Variants in GPCPD1 observed in about 807,000 individuals in gnomAD.
The protein encoded by GPCPD1 is glycerophosphocholine phosphodiesterase GPCPD1.
Under a neutral mutation model 89.2 loss-of-function variants are expected in GPCPD1, and 29 were observed. That is an observed-to-expected ratio of 0.33 (90% confidence interval 0.24 to 0.44). GPCPD1 has a LOEUF of 0.44. GPCPD1 is among the 20% of genes least tolerant of loss of function. The pLI is 1.00. For missense variants in GPCPD1, 594 were observed against 808.9 expected, an observed-to-expected ratio of 0.73 and a Z score of 3.22; for synonymous variants, 258 against 266.3, an observed-to-expected ratio of 0.97 and a Z score of 0.30.
At chr20:5,598,957 T>G (rs1235800333) in intron 2 of GPCPD1, 136 bp from the exon 3 acceptor site, 3 of 647,844 alleles carry the variant, frequency 4.6e-6, no homozygotes, top group Non-Finnish European at 8.3e-6. Context: ...AGATATAGGT[T>G]TGGGCCCAGG....
chr20:5,562,603 A>T (rs1036687982), intron 15 of GPCPD1, among the ~76,000 whole-genome samples: 1 of 152,156 alleles, frequency 6.6e-6, no homozygotes, highest in Non-Finnish European at 1.5e-5. Flanking sequence ...ATACTTCAAA[A>T]TTTTAGGTAT....
At chr20:5,557,463 C>T (rs1027909098) in intron 19 of GPCPD1, among the ~76,000 whole-genome samples, 1 of 152,140 alleles carries the variant, frequency 6.6e-6, no homozygotes, top group South Asian at 2.1e-4. Flanking sequence ...AGATAAAGAA[C>T]AGAGTCATGG....
intron 5 of GPCPD1, chr20:5,584,612 C>T (rs1978783715): frequency 5.1e-6 from 1 of 196,322 alleles, no homozygotes. Flanking sequence ...TTAACTTCTA[C>T]ACTAACCAAT....
chr20:5,548,998 A>G (rs1985206991), intron 19 of GPCPD1: 1 of 787,970 alleles, frequency 1.3e-6, no homozygotes, highest in Admixed American at 2.2e-5. Flanking sequence ...GCAAAACTTG[A>G]CAAGCAAACC....
chr20:5,604,217 G>C, intron 2 of GPCPD1, 147 bp downstream of exon 2: 1 of 587,780 alleles, frequency 1.7e-6, no homozygotes, highest in Non-Finnish European at 3.1e-6. Flanking sequence ...TATGCTCCAA[G>C]CACATTTCTG....
intron 16 of GPCPD1, 120 bp from the exon 17 acceptor site, chr20:5,560,196 T>C: frequency 3.6e-6 from 2 of 551,450 alleles, no homozygotes; most frequent in Non-Finnish European, 6.3e-6. Flanking sequence ...GTCCAACTAC[T>C]ATTTTATAGA....
chr20:5,574,367 C>G (rs1568657973), intron 10 of GPCPD1, among the ~76,000 whole-genome samples: 1 of 152,168 alleles, frequency 6.6e-6, no homozygotes, highest in Non-Finnish European at 1.5e-5. Flanking sequence ...TGAGAAACAA[C>G]TGACACACAC....
intron 6 of GPCPD1, 143 bp downstream of exon 6, chr20:5,584,138 C>G (rs1017732658): frequency 2.0e-6 from 1 of 497,754 alleles, no homozygotes; most frequent in Non-Finnish European, 3.7e-6. Flanking sequence ...TGCTGCTGCA[C>G]GTGTGGCCTG....
intron 1 of GPCPD1, among the ~76,000 whole-genome samples, chr20:5,609,850 A>AG: frequency 6.9e-6 from 1 of 145,024 alleles, no homozygotes; most frequent in East Asian, 1.9e-4. Flanking sequence ...GGAATTTTGA[A>AG]AAAAAAAAAA....
intron 6 of GPCPD1, among the ~76,000 whole-genome samples, chr20:5,583,435 C>T (rs1978695881): frequency 6.6e-6 from 1 of 151,952 alleles, no homozygotes; most frequent in East Asian, 1.9e-4. Flanking sequence ...ATAATCCCAG[C>T]TACTCAGGAG....
At chr20:5,578,642 G>C in intron 7 of GPCPD1, 31 bp from the exon 8 acceptor site, 3 of 1,372,394 alleles carry the variant, frequency 2.2e-6, no homozygotes, top group Non-Finnish European at 2.1e-6. Flanking sequence ...TGAGATGCAA[G>C]AAGTGGCAGA....
rs1165964852 is a variant in GPCPD1, at chr20:5,544,650, T to C, written c.*3011A>G. On this transcript the variant is annotated 3_prime_UTR_variant, in exon 20 of 20. Coordinates refer to ENST00000379019, the MANE Select transcript of GPCPD1 (RefSeq NM_019593.5). ...TAGTTTGAGAACATGGGATTCAGAG[T>C]CACAAAACCCACATCCTAGTCCCAA... is the stretch of plus-strand genomic sequence containing the variant. 1.3e-5 allele frequency: 2 copies of C among 152,086 alleles called. No individual in the cohort carries two copies. Among genetic ancestry groups the C allele is most frequent in the Admixed American group, 6.6e-5 (1 of 15,252 alleles). The allele number at this position is 152,086 out of a possible 1,614,324, so 9.4% of individuals were successfully genotyped here.
intron 4 of GPCPD1, among the ~76,000 whole-genome samples, chr20:5,587,601 C>T (rs754055626): frequency 1.3e-5 from 2 of 152,064 alleles, no homozygotes; most frequent in Admixed American, 6.6e-5. Context: ...CTCCTAACCT[C>T]GTGATCCACC....
intron 9 of GPCPD1, 113 bp from the exon 10 acceptor site, chr20:5,575,658 G>GT: frequency 1.1e-6 from 1 of 900,592 alleles, no homozygotes; most frequent in Non-Finnish European, 1.7e-6. Flanking sequence ...TCTGTCAAAC[G>GT]GAAAAAAAAA....
At chr20:5,582,393 C>T (rs565662075) in intron 6 of GPCPD1, among the ~76,000 whole-genome samples, 5 of 152,156 alleles carry the variant, frequency 3.3e-5, no homozygotes, top group African/African-American at 1.2e-4. Flanking sequence ...TATCTAAATA[C>T]TGCCAGAGCA....
chr20:5,573,794 A>C, intron 11 of GPCPD1, 121 bp downstream of exon 11: 1 of 754,676 alleles, frequency 1.3e-6, no homozygotes, highest in Non-Finnish European at 2.4e-6. Context: ...TCCGATCTTC[A>C]CCATGGATCT....
rs142917605 is a variant in GPCPD1 at position 5,598,808 on chromosome 20, C to A, written c.63G>T (p.Ala21=). 2 of 1,607,474 alleles carry A rather than the reference C, an allele frequency of 1.2e-6. No homozygotes were observed. ...CCAAAGCATCACAGCTTCCACATAT[C>A]GCAAAAACTTCTCCTAAAGAAACAG... ...RGTLLPGEVF[A]ICGSCDALGN... is the part of the protein sequence containing the mutation. Residue 21 remains alanine, a synonymous_variant, in exon 3 of 20, where the codon GCG becomes GCT. Transcript: ENST00000379019.
At chr20:5,573,892 A>G (rs771607337) in intron 11 of GPCPD1, 23 bp downstream of exon 11, 4 of 1,256,002 alleles carry the variant, frequency 3.2e-6, no homozygotes. Context: ...TCAGCAGTCT[A>G]AAGTTGTTTA....
intron 8 of GPCPD1, among the ~76,000 whole-genome samples, chr20:5,577,772 C>T (rs529335158): frequency 6.6e-6 from 1 of 152,032 alleles, no homozygotes; most frequent in South Asian, 2.1e-4. Flanking sequence ...CCGAGCCAGG[C>T]CCACAGCAGT....
Sources: gnomAD v4.1 joint callset for allele counts (sites outside exome capture counted in the v4.1 genomes callset) on GRCh38, gnomAD v4.1.1 for gene constraint, MANE v1.5 for transcripts, NCBI Gene and HGNC (gene_info 2026-07-23, HGNC 2026-07-21) for gene names.